Variants in FN1 observed in about 807,000 individuals in gnomAD.
FN1 encodes fibronectin 1.
In FN1, 106 loss-of-function variants were observed where a neutral mutation model predicts 297.3. The ratio of observed to expected loss-of-function variants is 0.36; its 90% CI spans 0.30 to 0.42. The LOEUF (loss-of-function observed/expected upper bound fraction) is 0.42, where lower values mean the gene tolerates loss of function less well. Ranked by LOEUF, FN1 falls within the 10% of genes least tolerant of loss-of-function variation. The pLI, the probability that FN1 is intolerant of heterozygous loss-of-function variation, is 1.00. For synonymous variants in FN1, 1,149 were observed against 1,152.6 expected, an observed-to-expected ratio of 1.00 and a Z score of 0.06; for missense variants, 2,690 against 3,124.9, an observed-to-expected ratio of 0.86 and a Z score of 3.32.
In FN1 at chr2:215,404,453, G is replaced by T. The variant is rs78262627; in HGVS notation, c.3189C>A (p.Thr1063=). ...LRNLQPASEY[T]VSLVAIKGNQ... ...TGCCCTTTATGGCCACGAGGGATAC[G>T]GTGTACTCAGATGCAGGCTGCAGAT... The change falls in exon 20 of 46, where the codon ACC becomes ACA. Residue 1063 remains threonine (T), a synonymous_variant. Transcript: ENST00000354785. 2.5e-6 allele frequency: 4 copies of T among 1,614,008 alleles called. No individual in the cohort carries two copies. The highest frequency in any genetic ancestry group is 3.3e-5 in the Admixed American group (2 of 60,008).
intron 40 of FN1, among the ~76,000 whole-genome samples, chr2:215,371,521 G>T (rs950852696): frequency 4.6e-5 from 7 of 151,030 alleles, no homozygotes; most frequent in African/African-American, 1.7e-4. Flanking sequence ...TCAAATGTGT[G>T]AGAATAAGAG....
chr2:215,376,358 G>GA, intron 36 of FN1, 140 bp downstream of exon 36: 1 of 783,170 alleles, frequency 1.3e-6, no homozygotes, highest in African/African-American at 1.7e-5. Context: ...ATCATAGCAT[G>GA]AAAATAACGT....
At chr2:215,403,386 C>T (rs1220404438) in intron 20 of FN1, among the ~76,000 whole-genome samples, 1 of 152,086 alleles carries the variant, frequency 6.6e-6, no homozygotes, top group East Asian at 1.9e-4. Flanking sequence ...ACAAACTAGG[C>T]TTGTATGGAC....
chr2:215,378,603 G>A (rs899080663), intron 34 of FN1, among the ~76,000 whole-genome samples: 19 of 152,068 alleles, frequency 1.2e-4, no homozygotes, highest in Admixed American at 5.9e-4. Flanking sequence ...TCATAGAGAG[G>A]CAAAGAGAAT....
At chr2:215,429,043 A>C (rs1223338670) in intron 5 of FN1, among the ~76,000 whole-genome samples, 1 of 152,078 alleles carries the variant, frequency 6.6e-6, no homozygotes, top group Non-Finnish European at 1.5e-5. Context: ...CAAAACAAAA[A>C]AAACAAGCAA....
Position 215,391,790 on chromosome 2 carries a change from C to T in FN1, c.4094G>A (p.Arg1365Gln), listed in dbSNP as rs147060694. 27 of 1,613,828 alleles carry T rather than the reference C, an allele frequency of 1.7e-5. No individual in the cohort carries two copies. The highest frequency in any genetic ancestry group is 5.0e-5 in the Admixed American group (3 of 59,990). ...QTAVPPPTDL[R>Q]FTNIGPDTMR... ...GGTGTCTGGACCAATGTTGGTGAAT[C>T]GCAGGTCAGTGGGAGGAGGAACAGC... The change falls in exon 26 of 46, where the codon CGA becomes CAA. Residue 1365 changes from arginine to glutamine, a missense_variant. By Grantham distance (43) the Arg-to-Gln change is conservative (BLOSUM62 1). Coordinates refer to ENST00000354785, the MANE Select transcript of FN1 (RefSeq NM_212482.4).
intron 28 of FN1, among the ~76,000 whole-genome samples, chr2:215,386,276 T>C (rs1250216): frequency 2.2e-4 from 34 of 151,328 alleles, no homozygotes; most frequent in African/African-American, 8.2e-4. Context: ...GGGGTTTCAC[T>C]ATGTTGGCCA....
intron 13 of FN1, among the ~76,000 whole-genome samples, chr2:215,414,237 G>T (rs1055300225): frequency 6.6e-6 from 1 of 152,068 alleles, no homozygotes; most frequent in Non-Finnish European, 1.5e-5. Flanking sequence ...TCCTTATTTG[G>T]TTTCTTCAAT....
intron 17 of FN1, 140 bp downstream of exon 17, chr2:215,407,967 CA>C: frequency 5.8e-6 from 4 of 684,246 alleles, no homozygotes; most frequent in Admixed American, 2.1e-5. Context: ...CACACACACA[CA>C]CACACACACA....
Position 215,376,557 on chromosome 2 carries a change from T to C in FN1, c.5828A>G (p.Asn1943Ser), listed in dbSNP as rs113228862. 1.1e-5 allele frequency: 18 copies of C among 1,614,074 alleles called. No homozygotes were observed. Among genetic ancestry groups the C allele is most frequent in the African/African-American group, 6.7e-5 (5 of 75,006 alleles). Reference sequence around the variant, plus strand: ...GGTTCTCTGGATTGGAGTCTGGCCATTGGCTGGAACGGCATCAACTTGGAA... The same window carrying C: ...GGTTCTCTGGATTGGAGTCTGGCCACTGGCTGGAACGGCATCAACTTGGAA... The part of the protein sequence containing the change: ...TGFQVDAVPA[N>S]GQTPIQRTIK... The change falls in exon 36 of 46, where the codon AAT becomes AGT. Residue 1943 changes from asparagine to serine, a missense_variant. Asn to Ser is a conservative substitution (Grantham distance 46). This residue lies in a region of FN1 where 1,743 missense variants were observed against 1,945.2 expected (regional missense o/e 0.90). Transcript: ENST00000354785.
chr2:215,377,468 C>A (rs13385786), intron 35 of FN1, among the ~76,000 whole-genome samples: 2 of 151,942 alleles, frequency 1.3e-5, no homozygotes, highest in Non-Finnish European at 2.9e-5. Flanking sequence ...GTCCTCCCCC[C>A]CCAACTCTCT....
chr2:215,381,217 CACTT>C (rs2058157408), intron 32 of FN1, 137 bp from the exon 33 acceptor site: 1 of 797,742 alleles, frequency 1.3e-6, no homozygotes, highest in Non-Finnish European at 2.1e-6. Flanking sequence ...AAGGAAAAAT[CACTT>C]AAACACTTGC....
intron 13 of FN1, among the ~76,000 whole-genome samples, chr2:215,411,399 G>A (rs1559518000): frequency 6.6e-6 from 1 of 152,070 alleles, no homozygotes; most frequent in East Asian, 1.9e-4. Context: ...TATATTTTTG[G>A]AATAAGCGAG....
Position 215,386,776 on chromosome 2 carries a change from G to A in FN1, c.4525C>T (p.Leu1509Phe). The A allele has an allele frequency of 6.2e-7, 1 of 1,613,904 alleles. No homozygotes were observed. The highest frequency in any genetic ancestry group is 8.5e-7 in the Non-Finnish European group (1 of 1,179,966). The stretch of plus-strand genomic sequence containing the variant: ...ACCACATACTCTGTGCCTGGAGTGA[G>A]GTTGGTGAGGGTGATGGAATTCCGA... Reference protein sequence around the residue: ...HSRNSITLTNLTPGTEYVVSI... With the variant: ...HSRNSITLTNFTPGTEYVVSI... Residue 1509 changes from leucine to phenylalanine, a missense_variant, in exon 28 of 46, where the codon CTC becomes TTC. Transcript: ENST00000354785.
At chr2:215,363,303 C>G (rs1294202593) in intron 44 of FN1, 1 of 152,164 alleles carries the variant, frequency 6.6e-6, no homozygotes, top group East Asian at 1.9e-4. Context: ...CAAATTCATT[C>G]TCCATCACAC....
intron 29 of FN1, 96 bp downstream of exon 29, chr2:215,384,764 A>G: frequency 1.1e-6 from 1 of 887,776 alleles, no homozygotes; most frequent in Non-Finnish European, 1.9e-6. Flanking sequence ...GGACTTGCCA[A>G]AGTTTCTTTA....
chr2:215,379,041 T>G, intron 34 of FN1, 89 bp downstream of exon 34: 1 of 1,127,114 alleles, frequency 8.9e-7, no homozygotes, highest in Non-Finnish European at 1.4e-6. Flanking sequence ...AACAGTTAGA[T>G]TTATTATGAT....
At chr2:215,434,214 A>C (rs552073007) in intron 2 of FN1, among the ~76,000 whole-genome samples, 1 of 152,308 alleles carries the variant, frequency 6.6e-6, no homozygotes, top group South Asian at 2.1e-4. Context: ...TGCTTCTCTG[A>C]CAGAGTTGCT....
chr2:215,422,351 G>A (rs1348761044), intron 9 of FN1, 108 bp from the exon 10 acceptor site: 3 of 1,129,380 alleles, frequency 2.7e-6, no homozygotes, highest in South Asian at 2.5e-5. Flanking sequence ...ATTCTCACTT[G>A]GGAAGAAGCT....
Sources: gnomAD v4.1 joint callset for allele counts (sites outside exome capture counted in the v4.1 genomes callset) on GRCh38, gnomAD v4.1.1 for gene constraint, gnomAD v4.1.1 regional missense constraint, MANE v1.5 for transcripts, NCBI Gene and HGNC (gene_info 2026-07-23, HGNC 2026-07-21) for gene names.